CTNNA2: variants seen among roughly 807,000 people sequenced by gnomAD.
CTNNA2 encodes catenin alpha-2.
Under a neutral mutation model 101.0 loss-of-function variants are expected in CTNNA2, and 42 were observed. The ratio of observed to expected loss-of-function variants is 0.42; its 90% CI spans 0.32 to 0.54. The LOEUF is 0.54. Ranked by LOEUF, CTNNA2 falls within the 20% of genes least tolerant of loss-of-function variation. CTNNA2 has a pLI of 0.14. For synonymous variants in CTNNA2, 450 were observed against 456.4 expected (o/e 0.99, Z 0.18); for missense variants, 871 against 1,223.1 (o/e 0.71, Z 4.29).
intron 3 of CTNNA2, among the ~76,000 whole-genome samples, chr2:79,838,414 C>T (rs535938404): frequency 7.9e-5 from 12 of 151,928 alleles, no homozygotes; most frequent in Non-Finnish European, 1.6e-4. Flanking sequence ...GTTGTGTTTT[C>T]GAAAAATACA....
At chr2:79,598,236 A>G (rs1477761950) in intron 1 of CTNNA2, among the ~76,000 whole-genome samples, 1 of 152,232 alleles carries the variant, frequency 6.6e-6, no homozygotes, top group Non-Finnish European at 1.5e-5. Context: ...GTTACATCCA[A>G]GCTTTGACAA....
At chr2:80,618,711 AG>A (rs1429612384) in intron 17 of CTNNA2, 1 of 156,254 alleles carries the variant, frequency 6.4e-6, no homozygotes, top group Non-Finnish European at 1.4e-5. Flanking sequence ...ATACCGTTCC[AG>A]GCTTTAAGAG....
chr2:80,087,164 A>C (rs1376256259), intron 7 of CTNNA2, among the ~76,000 whole-genome samples: 1 of 152,174 alleles, frequency 6.6e-6, no homozygotes, highest in South Asian at 2.1e-4. Context: ...ACAGTGAGTC[A>C]GCAATTATAG....
intron 7 of CTNNA2, among the ~76,000 whole-genome samples, chr2:80,002,891 G>A (rs1282197834): frequency 1.3e-5 from 2 of 151,982 alleles, no homozygotes; most frequent in African/African-American, 2.4e-5. Context: ...TTTATTTCCA[G>A]CCACACACGA....
intron 7 of CTNNA2, among the ~76,000 whole-genome samples, chr2:80,323,787 C>T (rs778631988): frequency 6.6e-6 from 1 of 152,110 alleles, no homozygotes; most frequent in Non-Finnish European, 1.5e-5. Context: ...ACAAATTCCT[C>T]CCATCATAGC....
chr2:80,079,763 G>C (rs543933182), intron 7 of CTNNA2, among the ~76,000 whole-genome samples: 4,915 of 150,800 alleles, frequency 0.033, 272 homozygotes, highest in African/African-American at 0.11. Context: ...GCAGTGAGCC[G>C]GGATTGCGCC....
chr2:79,338,575 A>ATCTTCTTTTTCCTCT (rs1239699778), intron 3 of CTNNA2, among the ~76,000 whole-genome samples: 3,665 of 115,452 alleles, frequency 0.032, 103 homozygotes, highest in East Asian at 0.076. Flanking sequence ...CTTCCTCCTC[A>ATCTTCTTTTTCCTCT]TCATCTTCTT....
At chr2:80,357,672 A>G (rs530862404) in intron 7 of CTNNA2, among the ~76,000 whole-genome samples, 3 of 152,280 alleles carry the variant, frequency 2.0e-5, no homozygotes, top group South Asian at 4.1e-4. Context: ...AGAAGAATCA[A>G]TATGACTCTT....
chr2:79,624,398 C>T (rs766331321), intron 1 of CTNNA2, among the ~76,000 whole-genome samples: 1 of 151,826 alleles, frequency 6.6e-6, no homozygotes, highest in Non-Finnish European at 1.5e-5. Context: ...TGTGATTCAC[C>T]CACAATAAGC....
chr2:79,843,003 A>T (rs1679943916), intron 3 of CTNNA2, among the ~76,000 whole-genome samples: 1 of 152,210 alleles, frequency 6.6e-6, no homozygotes, highest in South Asian at 2.1e-4. Flanking sequence ...CAATGCTGCC[A>T]TTTTTAGATA....
intron 4 of CTNNA2, among the ~76,000 whole-genome samples, chr2:79,449,177 T>C (rs1234144117): frequency 6.6e-6 from 1 of 151,866 alleles, no homozygotes; most frequent in East Asian, 1.9e-4. Context: ...AAATTGGGAG[T>C]ATAAGGCAGG....
chr2:80,608,785 AC>A (rs1324124161), intron 17 of CTNNA2, among the ~76,000 whole-genome samples: 1 of 151,816 alleles, frequency 6.6e-6, no homozygotes, highest in Non-Finnish European at 1.5e-5. Flanking sequence ...GTTATCAGTA[AC>A]CCTTGAAAGC....
intron 2 of CTNNA2, among the ~76,000 whole-genome samples, chr2:79,216,701 G>A (rs1674265510): frequency 6.7e-6 from 1 of 148,498 alleles, no homozygotes; most frequent in African/African-American, 2.5e-5. Context: ...AGGAGAAGGG[G>A]TTGGGGGGTT....
intron 4 of CTNNA2, among the ~76,000 whole-genome samples, chr2:79,494,070 T>G (rs979663056): frequency 7.2e-5 from 11 of 152,086 alleles, no homozygotes; most frequent in African/African-American, 2.4e-4. Flanking sequence ...AAAAAACTGA[T>G]TTATAATATA....
intron 7 of CTNNA2, among the ~76,000 whole-genome samples, chr2:80,123,447 G>GAAAA (rs528984412): frequency 8.2e-6 from 1 of 121,938 alleles, no homozygotes. Flanking sequence ...TAGTGGTGCA[G>GAAAA]AAAAAAAAAA....
intron 4 of CTNNA2, among the ~76,000 whole-genome samples, chr2:79,382,144 T>A (rs1000765671): frequency 6.6e-6 from 1 of 151,924 alleles, no homozygotes; most frequent in African/African-American, 2.4e-5. Context: ...AAATTCTGTC[T>A]ATCTGCTTGG....
chr2:79,857,066 T>C (rs1015386710), intron 3 of CTNNA2, among the ~76,000 whole-genome samples: 1 of 152,230 alleles, frequency 6.6e-6, no homozygotes, highest in Non-Finnish European at 1.5e-5. Context: ...CCCTTCCTCA[T>C]GGGTTCTTCC....
At chr2:79,669,167 G>T (rs990444848) in intron 2 of CTNNA2, among the ~76,000 whole-genome samples, 2 of 152,102 alleles carry the variant, frequency 1.3e-5, no homozygotes, top group Non-Finnish European at 2.9e-5. Flanking sequence ...CTATCTTTAA[G>T]GGCCATGAAA....
At chr2:79,560,344 A>G (rs774154428) in intron 1 of CTNNA2, among the ~76,000 whole-genome samples, 4 of 151,734 alleles carry the variant, frequency 2.6e-5, no homozygotes, top group Admixed American at 6.6e-5. Flanking sequence ...TAGCAGCTCT[A>G]TTAGGTTGGT....
Sources: gnomAD v4.1 joint callset for allele counts (sites outside exome capture counted in the v4.1 genomes callset) on GRCh38, gnomAD v4.1.1 for gene constraint, MANE v1.5 for transcripts, NCBI Gene and HGNC (gene_info 2026-07-23, HGNC 2026-07-21) for gene names.